The following AGBL4 variants were observed in gnomAD, a reference collection of about 807,000 sequenced individuals.
AGBL4 encodes AGBL carboxypeptidase 4.
AGBL4 carries 58 observed loss-of-function variants against 66.4 expected under a neutral mutation model. That is an observed-to-expected ratio of 0.87 (90% CI 0.71 to 1.09). The LOEUF (loss-of-function observed/expected upper bound fraction) is 1.09, where lower values mean the gene tolerates loss of function less well. Ranked by LOEUF, AGBL4 falls within the 50% of genes least tolerant of loss-of-function variation. The pLI is 0.00. For synonymous variants in AGBL4, 234 were observed against 222.9 expected, an observed-to-expected ratio of 1.05 and a Z score of -0.44; for missense variants, 579 against 631.0, an observed-to-expected ratio of 0.92 and a Z score of 0.88.
chr1:49,886,681 C>A (rs1482153926), intron 1 of AGBL4, among the ~76,000 whole-genome samples: 1 of 152,116 alleles, frequency 6.6e-6, no homozygotes, highest in Non-Finnish European at 1.5e-5. Context: ...TTCACCCTGT[C>A]ATGCAGAAGC....
At chr1:49,705,802 CAT>C (rs1396893327) in intron 2 of AGBL4, among the ~76,000 whole-genome samples, 1 of 151,800 alleles carries the variant, frequency 6.6e-6, no homozygotes, top group Admixed American at 6.6e-5. Context: ...TTGATATAAT[CAT>C]GTGGTTTTTG....
chr1:48,837,707 CACACTATATA>C (rs1646712694), intron 6 of AGBL4, among the ~76,000 whole-genome samples: 5 of 80,526 alleles, frequency 6.2e-5, no homozygotes, highest in Non-Finnish European at 9.1e-5. Flanking sequence ...CGCACACACA[CACACTATATA>C]TATATATATA....
At chr1:48,582,656 C>T (rs1213885632) in intron 11 of AGBL4, among the ~76,000 whole-genome samples, 4 of 152,168 alleles carry the variant, frequency 2.6e-5, no homozygotes, top group Admixed American at 6.5e-5. Flanking sequence ...CAGGCAGTAC[C>T]AGGAGAATGC....
intron 6 of AGBL4, among the ~76,000 whole-genome samples, chr1:48,728,878 C>G (rs1647636398): frequency 6.6e-6 from 1 of 152,186 alleles, no homozygotes; most frequent in Admixed American, 6.5e-5. Context: ...TATTAAGGTT[C>G]TGACAACCTG....
At chr1:48,749,673 AG>A (rs1651349981) in intron 6 of AGBL4, among the ~76,000 whole-genome samples, 1 of 152,102 alleles carries the variant, frequency 6.6e-6, no homozygotes, top group Non-Finnish European at 1.5e-5. Context: ...CACAATCATG[AG>A]GGGTGCGGTG....
chr1:49,046,281 C>A (rs1644078769), intron 4 of AGBL4, among the ~76,000 whole-genome samples: 1 of 152,016 alleles, frequency 6.6e-6, no homozygotes, highest in African/African-American at 2.4e-5. Context: ...ATGGGAGAGG[C>A]CTACTTTTCC....
At chr1:48,814,012 G>C (rs1300642527) in intron 6 of AGBL4, among the ~76,000 whole-genome samples, 1 of 152,038 alleles carries the variant, frequency 6.6e-6, no homozygotes, top group South Asian at 2.1e-4. Flanking sequence ...GCCTCAAGGA[G>C]TTGCCAGGGA....
intron 5 of AGBL4, among the ~76,000 whole-genome samples, chr1:48,890,671 G>A (rs1018019507): frequency 1.3e-5 from 2 of 152,132 alleles, no homozygotes; most frequent in African/African-American, 4.8e-5. Flanking sequence ...TGGATTTTGG[G>A]TGAAGATGCT....
At chr1:49,918,420 C>T (rs1651814488) in intron 1 of AGBL4, among the ~76,000 whole-genome samples, 1 of 152,166 alleles carries the variant, frequency 6.6e-6, no homozygotes, top group South Asian at 2.1e-4. Context: ...ACCGATCCCA[C>T]AGAAATACAA....
At chr1:49,895,925 G>C (rs928657581) in intron 1 of AGBL4, among the ~76,000 whole-genome samples, 2 of 132,806 alleles carry the variant, frequency 1.5e-5, no homozygotes, top group African/African-American at 2.9e-5. Context: ...AAAAGACAGA[G>C]AGTGGCTGAA....
intron 4 of AGBL4, among the ~76,000 whole-genome samples, chr1:49,179,288 G>T (rs758192009): frequency 1.1e-4 from 17 of 152,086 alleles, no homozygotes; most frequent in Non-Finnish European, 2.2e-4. Context: ...AGTGAGAAAT[G>T]TACAGATTCA....
At chr1:49,943,974 G>A (rs745335116) in intron 1 of AGBL4, among the ~76,000 whole-genome samples, 23 of 151,866 alleles carry the variant, frequency 1.5e-4, no homozygotes, top group South Asian at 6.3e-4. Flanking sequence ...ACCAGTCTTC[G>A]GAGTTTCATG....
At chr1:49,874,737 T>C (rs1021401570) in intron 1 of AGBL4, among the ~76,000 whole-genome samples, 1 of 152,128 alleles carries the variant, frequency 6.6e-6, no homozygotes, top group African/African-American at 2.4e-5. Context: ...GAAACTCTGC[T>C]AGAAAAAATA....
chr1:48,554,905 ATTT>A (rs1172301874), intron 11 of AGBL4, among the ~76,000 whole-genome samples: 2 of 152,294 alleles, frequency 1.3e-5, no homozygotes, highest in Admixed American at 6.5e-5. Context: ...ATTCTTTATT[ATTT>A]TAACTTTCTT....
At chr1:49,576,457 G>A (rs970293987) in intron 3 of AGBL4, among the ~76,000 whole-genome samples, 1 of 152,186 alleles carries the variant, frequency 6.6e-6, no homozygotes, top group Admixed American at 6.5e-5. Flanking sequence ...TTTGGAGCAA[G>A]GCCCTGCCAT....
intron 1 of AGBL4, among the ~76,000 whole-genome samples, chr1:49,996,733 A>G (rs1253385101): frequency 6.6e-6 from 1 of 152,238 alleles, no homozygotes; most frequent in Admixed American, 6.5e-5. Context: ...ATTCATCACA[A>G]AAAGATCACT....
intron 1 of AGBL4, among the ~76,000 whole-genome samples, chr1:49,874,985 C>A (rs1004580048): frequency 1.9e-5 from 2 of 106,284 alleles, no homozygotes; most frequent in African/African-American, 3.6e-5. Flanking sequence ...CTCCCCCCAC[C>A]CCACAACAGT....
chr1:49,671,495 A>T (rs995797563), intron 3 of AGBL4, among the ~76,000 whole-genome samples: 4 of 152,340 alleles, frequency 2.6e-5, no homozygotes, highest in African/African-American at 9.6e-5. Flanking sequence ...AGAACTAATT[A>T]AATGTAAGAG....
chr1:49,192,939 G>T (rs1647151102), intron 4 of AGBL4, among the ~76,000 whole-genome samples: 1 of 152,064 alleles, frequency 6.6e-6, no homozygotes, highest in Non-Finnish European at 1.5e-5. Flanking sequence ...TTTCTTCCTG[G>T]TTCAATCTTA....
Sources: gnomAD v4.1 joint callset for allele counts (sites outside exome capture counted in the v4.1 genomes callset) on GRCh38, gnomAD v4.1.1 for gene constraint, MANE v1.5 for transcripts, NCBI Gene and HGNC (gene_info 2026-07-23, HGNC 2026-07-21) for gene names.